Variants in ALK observed in about 807,000 individuals in gnomAD.
ALK encodes ALK receptor tyrosine kinase.
In ALK, 74 loss-of-function variants were observed where a neutral mutation model predicts 163.1. The ratio of observed to expected loss-of-function variants is 0.45; its 90% confidence interval spans 0.38 to 0.55. The LOEUF is 0.55. Among genes scored for constraint, ALK ranks in the 20% least tolerant of loss-of-function variants. The pLI is 0.00. For missense variants in ALK, 2,063 were observed against 2,105.3 expected, an observed-to-expected ratio of 0.98 and a Z score of 0.39; for synonymous variants, 960 against 843.2, an observed-to-expected ratio of 1.14 and a Z score of -2.40.
chr2:29,733,733 G>A lies in ALK; in HGVS notation c.668-16036C>T, dbSNP rs572142268. Among the ~76,000 whole-genome samples, 33 of 152,312 alleles carry A rather than the reference G, an allele frequency of 2.2e-4. No homozygotes were observed. In the South Asian group the frequency reaches 6.8e-3, roughly 32 times the overall value. On this transcript the variant is annotated intron_variant, in intron 1 of 28. Coordinates refer to ENST00000389048, the MANE Select transcript of ALK (RefSeq NM_004304.5). ...TTCTGAGTTTTAAAACTTCAGGGAA[G>A]AGTCATGTGATCCCTATGAGGGAAA...
intron 11 of ALK, among the ~76,000 whole-genome samples, chr2:29,262,259 G>A (rs1038172057): frequency 6.6e-6 from 1 of 152,200 alleles, no homozygotes; most frequent in African/African-American, 2.4e-5. Flanking sequence ...TCTACAACAC[G>A]AACTGTTTTC....
rs115290261 is a variant in ALK at position 29,803,834 on chromosome 2, C to T, written c.668-86137G>A. Among the ~76,000 whole-genome samples, 1,157 of 152,270 alleles carry T rather than the reference C, an allele frequency of 7.6e-3. 14 individuals carry two copies. Among genetic ancestry groups the T allele is most frequent in the African/African-American group, 0.027 (1,118 of 41,536 alleles). On this transcript the variant is annotated intron_variant, in intron 1 of 28. Coordinates refer to ENST00000389048, the MANE Select transcript of ALK (RefSeq NM_004304.5). ...TTGGTGCGTCATGCCTCATAAAAGA[C>T]GCTGTTCTCCATTTCCTTACATGTG...
rs1336406369 is a variant in ALK at position 29,251,150 on chromosome 2, A to G, written c.2159T>C (p.Leu720Pro). 6.2e-7 allele frequency: 1 copy of G among 1,613,986 alleles called. No individual in the cohort carries two copies. Among genetic ancestry groups the G allele is most frequent in the South Asian group, 1.1e-5 (1 of 91,050 alleles). The change falls in exon 12 of 29, where the codon CTG becomes CCG. Residue 720 changes from leucine to proline, a missense_variant. Around this residue, in one of 5 missense-constraint regions of ALK, gnomAD observed 987 missense variants for 939.5 expected, o/e 1.05. Coordinates refer to ENST00000389048, the MANE Select transcript of ALK (RefSeq NM_004304.5). ...LSVEVGSEGP[L>P]KGIQIWKVPA... Reference sequence around the variant, plus strand: ...CACCTTCCAGATCTGGATGCCTTTCAGGGGGCCCTCGCTCCCCACCTCCAC... The same window carrying G: ...CACCTTCCAGATCTGGATGCCTTTCGGGGGGCCCTCGCTCCCCACCTCCAC...
chr2:29,860,564 C>G (rs890628393), intron 1 of ALK, among the ~76,000 whole-genome samples: 2 of 152,268 alleles, frequency 1.3e-5, no homozygotes, highest in Admixed American at 1.3e-4. Context: ...TTCCACCTAA[C>G]AGCAGCAGAA....
chr2:29,610,393 T>C (rs1161128160), intron 3 of ALK, among the ~76,000 whole-genome samples: 1 of 152,140 alleles, frequency 6.6e-6, no homozygotes, highest in Admixed American at 6.6e-5. Context: ...CCAAGAACAT[T>C]AGAATTTCTA....
chr2:29,405,493 G>A (rs1669561023), intron 4 of ALK, among the ~76,000 whole-genome samples: 1 of 152,178 alleles, frequency 6.6e-6, no homozygotes, highest in Non-Finnish European at 1.5e-5. Flanking sequence ...GGCATTTTCA[G>A]CAAAGCGTGT....
chr2:29,691,592 C>T (rs1419484931), intron 3 of ALK, among the ~76,000 whole-genome samples: 1 of 152,126 alleles, frequency 6.6e-6, no homozygotes, highest in Non-Finnish European at 1.5e-5. Context: ...TGTGCACTGA[C>T]CCTTGGGATC....
In ALK at chr2:29,920,311, G is replaced by A. The variant is rs1289331589; in HGVS notation, c.349C>T (p.Pro117Ser). ...GVSWTAGSPA[P>S]AEARTLSRVL... ...CTGGACAGCGTCCGGGCCTCTGCCG[G>A]GGCTGGTGAACCGGCGGTCCAGGAG... The change falls in exon 1 of 29, where the codon CCG (proline) becomes TCG (serine). Residue 117 changes from proline to serine, a missense_variant. This residue lies in a region of ALK where 987 missense variants were observed against 939.5 expected (regional missense o/e 1.05). Transcript: ENST00000389048. 1 of 1,558,974 alleles carries A rather than the reference G, an allele frequency of 6.4e-7. No individual in the cohort carries two copies. The highest frequency in any genetic ancestry group is 8.7e-7 in the Non-Finnish European group (1 of 1,152,952).
At chr2:29,515,569 G>A (rs1167982411) in intron 4 of ALK, among the ~76,000 whole-genome samples, 1 of 152,114 alleles carries the variant, frequency 6.6e-6, no homozygotes, top group East Asian at 1.9e-4. Context: ...TGGTAGGGGT[G>A]GGGATAGGGG....
At chr2:29,464,775 C>T (rs1455079340) in intron 4 of ALK, among the ~76,000 whole-genome samples, 1 of 152,054 alleles carries the variant, frequency 6.6e-6, no homozygotes, top group Non-Finnish European at 1.5e-5. Context: ...GCTAAGCATC[C>T]TATAATTCAC....
At chr2:29,277,262 A>G (rs531555361) in intron 9 of ALK, among the ~76,000 whole-genome samples, 171 of 152,334 alleles carry the variant, frequency 1.1e-3, no homozygotes, top group Non-Finnish European at 1.9e-3. Flanking sequence ...CAGTGGGTAA[A>G]CTACAGCAGG....
intron 9 of ALK, among the ~76,000 whole-genome samples, chr2:29,282,215 A>G (rs1231593393): frequency 6.6e-6 from 1 of 152,134 alleles, no homozygotes; most frequent in Non-Finnish European, 1.5e-5. Flanking sequence ...GTAGAGGAAA[A>G]ACACTTTCTC....
At chr2:29,452,157 C>T (rs1670834984) in intron 4 of ALK, among the ~76,000 whole-genome samples, 2 of 152,116 alleles carry the variant, frequency 1.3e-5, no homozygotes, top group African/African-American at 2.4e-5. Context: ...TGATTTGGTT[C>T]TTCCTACTTC....
chr2:29,241,325 T>A (rs1219583239), intron 12 of ALK, among the ~76,000 whole-genome samples: 3 of 152,154 alleles, frequency 2.0e-5, no homozygotes, highest in Non-Finnish European at 4.4e-5. Context: ...CCTGCCCCTG[T>A]GCCCTCTCTG....
rs747537558 is a variant in ALK, at chr2:29,232,452, A to G, written c.2488-4T>C. 1.9e-6 allele frequency: 3 copies of G among 1,614,146 alleles called. No individual in the cohort carries two copies. The South Asian group carries it at 3.3e-5, about 18-fold the overall frequency. On this transcript the variant is annotated splice_region_variant and splice_polypyrimidine_tract_variant and intron_variant, in intron 14 of 28. Transcript: ENST00000389048. ...GCACCGGCACTCCATCCTTCATCTG[A>G]CCAGGGGAGACATTCAGACATTGAG...
intron 2 of ALK, among the ~76,000 whole-genome samples, chr2:29,704,450 C>A (rs1010976466): frequency 2.6e-5 from 4 of 152,140 alleles, no homozygotes; most frequent in Admixed American, 6.6e-5. Context: ...AAGGCTGGTA[C>A]TAAAATTCTG....
At position 29,762,305 on chromosome 2, in the gene ALK, C is replaced by T. The variant is rs750467046; in HGVS notation, c.668-44608G>A. ...GTCAGAAGCAGGCCCATTGTTCAAA[C>T]GAATTGACCTCCACTACAATTGACC... On this transcript the variant is annotated intron_variant, in intron 1 of 28. Transcript: ENST00000389048. Among the ~76,000 whole-genome samples, 21 of 152,288 alleles carry T rather than the reference C, an allele frequency of 1.4e-4. No homozygotes were observed. The South Asian group carries it at 1.7e-3, about 12-fold the overall frequency.
At position 29,717,691 on chromosome 2, in the gene ALK, C is replaced by T. The variant is rs1679303681; in HGVS notation, c.674G>A (p.Ser225Asn). The T allele has an allele frequency of 2.5e-6, 4 of 1,614,128 alleles. No homozygotes were observed. The highest frequency in any genetic ancestry group is 3.4e-6 in the Non-Finnish European group (4 of 1,180,000). ...LLFQIFGTGH[S>N]SLESPTNMPS... ...CATGTTTGTTGGTGATTCCAAGGAG[C>T]TATGACCTGGACATAAAAATAAAGA... The change falls in exon 2 of 29, where the codon AGC becomes AAC. Residue 225 changes from serine to asparagine, a missense_variant. This residue lies in a region of ALK where 987 missense variants were observed against 939.5 expected (regional missense o/e 1.05). Coordinates refer to ENST00000389048, the MANE Select transcript of ALK (RefSeq NM_004304.5).
intron 4 of ALK, among the ~76,000 whole-genome samples, chr2:29,396,402 G>A (rs1486347780): frequency 1.3e-5 from 2 of 152,170 alleles, no homozygotes; most frequent in Non-Finnish European, 2.9e-5. Flanking sequence ...ATGGCCGGGT[G>A]CAGTGGCTCA....
Sources: gnomAD v4.1 joint callset for allele counts (sites outside exome capture counted in the v4.1 genomes callset) on GRCh38, gnomAD v4.1.1 for gene constraint, gnomAD v4.1.1 regional missense constraint, MANE v1.5 for transcripts, NCBI Gene and HGNC (gene_info 2026-07-23, HGNC 2026-07-21) for gene names.